IL1RAPL1: variants seen among roughly 807,000 people sequenced by gnomAD.
The protein encoded by IL1RAPL1 is interleukin 1 receptor accessory protein like 1.
Under a neutral mutation model 48.4 loss-of-function variants are expected in IL1RAPL1, and 3 were observed. The ratio of observed to expected loss-of-function variants is 0.06; its 90% confidence interval spans 0.03 to 0.16. IL1RAPL1 has a LOEUF of 0.16. IL1RAPL1 is among the 10% of genes least tolerant of loss of function. The pLI is 1.00. For synonymous variants in IL1RAPL1, 185 were observed against 187.7 expected (o/e 0.99, Z 0.12); for missense variants, 349 against 530.6 (o/e 0.66, Z 3.36).
chrX:29,908,318 G>A lies in IL1RAPL1; in HGVS notation c.779-9146G>A, dbSNP rs1374482090. ...CAGCTACTCAGGAGAGGGGAAGACC[G>A]CTTGAGCCCAGGAGTTCAAGACCAG... On this transcript the variant is annotated intron_variant, in intron 6 of 10. Coordinates refer to ENST00000378993, the MANE Select transcript of IL1RAPL1 (RefSeq NM_014271.4). Among the ~76,000 whole-genome samples, 13 of 109,057 alleles carry A rather than the reference G, an allele frequency of 1.2e-4. No individual in the cohort carries two copies. In the Admixed American group the frequency reaches 1.3e-3, roughly 11 times the overall value. The allele number at this position is 109,057 out of a possible 115,157, so 94.7% of individuals were successfully genotyped here. A position where few individuals can be genotyped will look rare whatever the true frequency, so the allele number is the denominator to read the frequency against.
In IL1RAPL1 at chrX:29,613,865, A is replaced by G. The variant is rs377146358; in HGVS notation, c.704-54565A>G. 2.2e-3 allele frequency among the ~76,000 whole-genome samples: 224 copies of G among 100,830 alleles called. 8 individuals are homozygous for G. In the East Asian group the frequency reaches 0.051, roughly 23 times the overall value. 87.6% of individuals were successfully genotyped at this position (100,830 alleles called of 115,157 possible). On this transcript the variant is annotated intron_variant, in intron 5 of 10. Coordinates refer to ENST00000378993, the MANE Select transcript of IL1RAPL1 (RefSeq NM_014271.4). ...TGCAAGCTCCACCTCCTGGGTTCGCACCATTCTCCTGCCTCAGCCTCCCGA... is the reference window on the plus strand; with the variant it reads ...TGCAAGCTCCACCTCCTGGGTTCGCGCCATTCTCCTGCCTCAGCCTCCCGA...
At chrX:29,138,489 C>T (rs112234181) in intron 2 of IL1RAPL1, among the ~76,000 whole-genome samples, 22,688 of 110,351 alleles carry the variant, frequency 0.21, 2,005 homozygotes, top group African/African-American at 0.33. Flanking sequence ...ATTAGTAGGC[C>T]GGGCATGGTG....
At chrX:29,904,536 C>T (rs770582825) in intron 6 of IL1RAPL1, among the ~76,000 whole-genome samples, 10 of 107,569 alleles carry the variant, frequency 9.3e-5, no homozygotes, top group African/African-American at 2.3e-4. Flanking sequence ...CCCCCAACCC[C>T]GACAGGCCCC....
chrX:29,869,274 C>T (rs2147208316), intron 6 of IL1RAPL1, among the ~76,000 whole-genome samples: 1 of 111,790 alleles, frequency 8.9e-6, no homozygotes, highest in South Asian at 3.8e-4. Flanking sequence ...GGTATTTTAG[C>T]GTTGTGGATT....
At chrX:29,819,150 G>A (rs1930556367) in intron 6 of IL1RAPL1, among the ~76,000 whole-genome samples, 1 of 111,057 alleles carries the variant, frequency 9.0e-6, no homozygotes, top group South Asian at 3.8e-4. Context: ...GCATGAATGG[G>A]GCTGTATTAC....
chrX:29,634,466 AG>A (rs996808249), intron 5 of IL1RAPL1, among the ~76,000 whole-genome samples: 2 of 111,583 alleles, frequency 1.8e-5, no homozygotes, highest in Non-Finnish European at 3.8e-5. Context: ...AAGGAAGTAA[AG>A]AAGCAGCCTA....
intron 3 of IL1RAPL1, among the ~76,000 whole-genome samples, chrX:29,303,449 C>A (rs930406022): frequency 9.0e-6 from 1 of 111,702 alleles, no homozygotes; most frequent in Non-Finnish European, 1.9e-5. Context: ...ATATTAAAGT[C>A]TCTTTATAAT....
At chrX:29,126,508 T>C (rs1928903261) in intron 2 of IL1RAPL1, among the ~76,000 whole-genome samples, 1 of 112,500 alleles carries the variant, frequency 8.9e-6, no homozygotes, top group Non-Finnish European at 1.9e-5. Flanking sequence ...GATAGTGCAA[T>C]GTGGTTCATG....
At chrX:28,632,469 G>T (rs1036588624) in intron 1 of IL1RAPL1, among the ~76,000 whole-genome samples, 1 of 111,579 alleles carries the variant, frequency 9.0e-6, no homozygotes, top group Non-Finnish European at 1.9e-5. Context: ...AGCAAGTGGT[G>T]TAATTTTTAC....
intron 2 of IL1RAPL1, among the ~76,000 whole-genome samples, chrX:29,020,687 G>A (rs968227075): frequency 2.7e-5 from 3 of 111,557 alleles, no homozygotes; most frequent in African/African-American, 9.8e-5. Context: ...GAAGGCGATG[G>A]GTATGAACTA....
At chrX:29,861,443 G>T (rs1251035572) in intron 6 of IL1RAPL1, among the ~76,000 whole-genome samples, 2 of 111,603 alleles carry the variant, frequency 1.8e-5, no homozygotes, top group Non-Finnish European at 3.8e-5. Flanking sequence ...GATCTAAAAG[G>T]CAGAAGCCAA....
At chrX:29,705,705 T>A (rs1174690368) in intron 6 of IL1RAPL1, among the ~76,000 whole-genome samples, 1 of 111,993 alleles carries the variant, frequency 8.9e-6, no homozygotes, top group Non-Finnish European at 1.9e-5. Flanking sequence ...ATAACATCCC[T>A]TCCTTGCTAG....
chrX:28,814,320 C>A (rs1275318448), intron 2 of IL1RAPL1, among the ~76,000 whole-genome samples: 2 of 96,379 alleles, frequency 2.1e-5, no homozygotes, highest in Admixed American at 2.3e-4. Flanking sequence ...TTACTATATT[C>A]CTTTGGGGCA....
chrX:28,664,034 T>C (rs1487473606), intron 1 of IL1RAPL1, among the ~76,000 whole-genome samples: 2 of 112,211 alleles, frequency 1.8e-5, no homozygotes, highest in African/African-American at 6.5e-5. Context: ...ATTCTAGCCA[T>C]AGACATACTT....
chrX:28,738,048 A>G (rs1935865493), intron 1 of IL1RAPL1, among the ~76,000 whole-genome samples: 1 of 112,402 alleles, frequency 8.9e-6, no homozygotes, highest in African/African-American at 3.2e-5. Flanking sequence ...TTATCCATTC[A>G]GATAATTGCT....
chrX:28,956,548 A>C (rs1924614857), intron 2 of IL1RAPL1, among the ~76,000 whole-genome samples: 1 of 104,893 alleles, frequency 9.5e-6, no homozygotes, highest in African/African-American at 3.5e-5. Flanking sequence ...GGCTCTGTTT[A>C]TATGCTGGAT....
chrX:29,596,154 C>T (rs1044829584), intron 5 of IL1RAPL1, among the ~76,000 whole-genome samples: 6 of 111,616 alleles, frequency 5.4e-5, no homozygotes, highest in African/African-American at 9.8e-5. Flanking sequence ...AGTTTGAAAT[C>T]GGGTAGTGTG....
chrX:29,895,075 C>T (rs1932353950), intron 6 of IL1RAPL1, among the ~76,000 whole-genome samples: 2 of 109,039 alleles, frequency 1.8e-5, no homozygotes, highest in African/African-American at 3.3e-5. Flanking sequence ...CCACCCACCT[C>T]GGCCTCCCAA....
chrX:29,227,731 C>T (rs781619620), intron 2 of IL1RAPL1, among the ~76,000 whole-genome samples: 2 of 111,832 alleles, frequency 1.8e-5, no homozygotes, highest in African/African-American at 6.5e-5. Flanking sequence ...GTCCTTCATA[C>T]ATTTGCAGCA....
Sources: allele counts gnomAD v4.1 joint callset (sites outside exome capture counted in the v4.1 genomes callset), GRCh38; gene constraint gnomAD v4.1.1; transcripts MANE v1.5; gene names NCBI Gene and HGNC (gene_info 2026-07-23, HGNC 2026-07-21).